CECR2: variants seen among roughly 807,000 people sequenced by gnomAD.
The protein encoded by CECR2 is CECR2 histone acetyl-lysine reader.
A neutral mutation model predicts 154.5 loss-of-function variants in CECR2; 30 were observed. The observed-to-expected ratio is 0.19, with a 90% CI of 0.15 to 0.26. The LOEUF (loss-of-function observed/expected upper bound fraction) is 0.26. Among genes scored for constraint, CECR2 ranks in the 10% least tolerant of loss-of-function variants. The pLI, the probability that CECR2 is intolerant of heterozygous loss-of-function variation, is 1.00. For missense variants in CECR2, 1,743 were observed against 1,829.3 expected (o/e 0.95, Z 0.86); for synonymous variants, 725 against 683.7 (o/e 1.06, Z -0.94).
intron 1 of CECR2, among the ~76,000 whole-genome samples, chr22:17,413,160 A>C (rs2146573053): frequency 6.6e-6 from 1 of 152,292 alleles, no homozygotes; most frequent in African/African-American, 2.4e-5. Context: ...CTGATGGGGA[A>C]TGGACCTCCC....
intron 1 of CECR2, among the ~76,000 whole-genome samples, chr22:17,451,667 A>G (rs1326743950): frequency 6.6e-6 from 1 of 152,142 alleles, no homozygotes; most frequent in South Asian, 2.1e-4. Context: ...TTTCCAGTGT[A>G]TGGCTGGCTG....
intron 9 of CECR2, among the ~76,000 whole-genome samples, chr22:17,532,415 A>G (rs180767682): frequency 1.8e-3 from 278 of 152,282 alleles, no homozygotes; most frequent in African/African-American, 6.4e-3. Flanking sequence ...CTGCAAACTT[A>G]GAATAATAGA....
chr22:17,376,356 C>T (rs546196560), intron 1 of CECR2, among the ~76,000 whole-genome samples: 20 of 144,032 alleles, frequency 1.4e-4, no homozygotes, highest in East Asian at 3.9e-4. Flanking sequence ...CGCTTTGCAA[C>T]GGAAGTTAAG....
intron 1 of CECR2, among the ~76,000 whole-genome samples, chr22:17,474,926 G>C (rs866372729): frequency 1.3e-5 from 2 of 152,114 alleles, no homozygotes; most frequent in East Asian, 1.9e-4. Flanking sequence ...TCAGCCTCCA[G>C]TGTTGCCTTT....
chr22:17,506,196 G>A (rs1420865317), intron 7 of CECR2, among the ~76,000 whole-genome samples: 3 of 152,028 alleles, frequency 2.0e-5, no homozygotes, highest in African/African-American at 7.2e-5. Flanking sequence ...CTGGAGTACA[G>A]TGGTGCAGTC....
intron 1 of CECR2, among the ~76,000 whole-genome samples, chr22:17,375,071 AG>A (rs2063101705): frequency 6.6e-6 from 1 of 152,180 alleles, no homozygotes; most frequent in African/African-American, 2.4e-5. Flanking sequence ...TTCTGAACTA[AG>A]TGCAAAGGGA....
chr22:17,378,637 A>G (rs1486738186), intron 1 of CECR2, among the ~76,000 whole-genome samples: 1 of 152,218 alleles, frequency 6.6e-6, no homozygotes, highest in African/African-American at 2.4e-5. Flanking sequence ...CCAGGTGCCA[A>G]TAGCACCCCC....
At chr22:17,409,131 T>TG (rs2054030554) in intron 1 of CECR2, among the ~76,000 whole-genome samples, 2 of 145,848 alleles carry the variant, frequency 1.4e-5, no homozygotes, top group East Asian at 4.2e-4. Context: ...CTTGTTTTTT[T>TG]TTGTTTGTTT....
At chr22:17,472,199 T>A (rs1371330981) in intron 1 of CECR2, among the ~76,000 whole-genome samples, 1 of 152,174 alleles carries the variant, frequency 6.6e-6, no homozygotes, top group Non-Finnish European at 1.5e-5. Context: ...TGGTTTCAGG[T>A]CCCTCACCAT....
intron 1 of CECR2, chr22:17,418,686 C>A: frequency 2.1e-6 from 1 of 480,556 alleles, no homozygotes; most frequent in Non-Finnish European, 3.0e-6. Flanking sequence ...CTCTAGTGCC[C>A]GGCGTCAGAC....
At chr22:17,452,685 G>T (rs1004974) in intron 1 of CECR2, among the ~76,000 whole-genome samples, 44,146 of 151,910 alleles carry the variant, frequency 0.29, 9,020 homozygotes, top group African/African-American at 0.55. Context: ...TCGGGTTTTG[G>T]AAATAGTAAA....
At chr22:17,466,473 T>A (rs529435464) in intron 1 of CECR2, among the ~76,000 whole-genome samples, 1 of 152,326 alleles carries the variant, frequency 6.6e-6, no homozygotes, top group East Asian at 1.9e-4. Context: ...CATAGTTTAG[T>A]TATCTGTAAA....
intron 1 of CECR2, among the ~76,000 whole-genome samples, chr22:17,360,508 C>T (rs1348718875): frequency 6.6e-6 from 1 of 152,040 alleles, no homozygotes; most frequent in South Asian, 2.1e-4. Flanking sequence ...ATGGTGAAAC[C>T]CCGTATCTAC....
chr22:17,483,266 G>A (rs2055360765), intron 2 of CECR2, among the ~76,000 whole-genome samples: 1 of 152,088 alleles, frequency 6.6e-6, no homozygotes, highest in African/African-American at 2.4e-5. Context: ...ATAGAATAAG[G>A]ATATAAAGAA....
At chr22:17,442,163 A>G (rs2054594553) in intron 1 of CECR2, among the ~76,000 whole-genome samples, 1 of 152,198 alleles carries the variant, frequency 6.6e-6, no homozygotes, top group Non-Finnish European at 1.5e-5. Context: ...CCGCAAAACA[A>G]GAGCATGTCA....
chr22:17,367,740 G>A (rs1397896897), upstream of CECR2, among the ~76,000 whole-genome samples: 1 of 152,212 alleles, frequency 6.6e-6, no homozygotes, highest in Non-Finnish European at 1.5e-5. Context: ...AATAAAAGAC[G>A]GAGAAGCAAG....
chr22:17,422,945 T>C (rs1038870997), intron 1 of CECR2, among the ~76,000 whole-genome samples: 2 of 152,198 alleles, frequency 1.3e-5, no homozygotes, highest in Non-Finnish European at 2.9e-5. Flanking sequence ...GTCCTTCACA[T>C]TAATCAGAGT....
At chr22:17,460,150 C>G (rs1413281970) in intron 1 of CECR2, among the ~76,000 whole-genome samples, 1 of 152,172 alleles carries the variant, frequency 6.6e-6, no homozygotes, top group Non-Finnish European at 1.5e-5. Flanking sequence ...TCACCTATGA[C>G]ACCTCTCTGT....
intron 8 of CECR2, among the ~76,000 whole-genome samples, chr22:17,522,571 T>G (rs993578941): frequency 1.2e-4 from 18 of 152,248 alleles, no homozygotes; most frequent in African/African-American, 4.3e-4. Context: ...TTCTGTTTGT[T>G]ACACTGAGAC....
Sources: gnomAD v4.1 joint callset for allele counts (sites outside exome capture counted in the v4.1 genomes callset) on GRCh38, gnomAD v4.1.1 for gene constraint, MANE v1.5 for transcripts, NCBI Gene and HGNC (gene_info 2026-07-23, HGNC 2026-07-21) for gene names.